The following TBCD variants were observed in gnomAD, a reference collection of about 807,000 sequenced individuals.
The protein encoded by TBCD is tubulin-specific chaperone D.
In TBCD, 105 loss-of-function variants were observed where a neutral mutation model predicts 169.3. That is an observed-to-expected ratio of 0.62 (90% CI 0.53 to 0.73). The LOEUF is 0.73. Among genes scored for constraint, TBCD ranks in the 30% least tolerant of loss-of-function variants. The pLI is 0.00. For missense variants in TBCD, 1,444 were observed against 1,600.1 expected, an observed-to-expected ratio of 0.90 and a Z score of 1.66; for synonymous variants, 700 against 643.9, an observed-to-expected ratio of 1.09 and a Z score of -1.32.
Position 82,929,479 on chromosome 17 carries a change from G to A in TBCD, c.2970G>A (p.Leu990=), listed in dbSNP as rs372553347. Residue 990 remains leucine, a synonymous_variant, in exon 32 of 39, where the codon CTG becomes CTA. Transcript: ENST00000355528. ...TCCTGCTGGGGCTAGTCGTGTCCCT[G>A]GGCGGCTTGACGGAGTCGACGGTGA... ...YHVLLGLVVS[L]GGLTESTIRH... The A allele has an allele frequency of 1.5e-5, 24 of 1,608,570 alleles. No homozygotes were observed. Among genetic ancestry groups the A allele is most frequent in the Non-Finnish European group, 1.9e-5 (23 of 1,179,868 alleles).
intron 13 of TBCD, among the ~76,000 whole-genome samples, chr17:82,817,291 T>C (rs2052001653): frequency 6.6e-6 from 1 of 151,994 alleles, no homozygotes; most frequent in Admixed American, 6.6e-5. Flanking sequence ...CCACCATGCC[T>C]GGCAACTTTT....
chr17:82,774,517 A>G (rs1018111256), intron 6 of TBCD, among the ~76,000 whole-genome samples: 1 of 152,102 alleles, frequency 6.6e-6, no homozygotes, highest in Non-Finnish European at 1.5e-5. Context: ...TTTCTATTCG[A>G]CAAAACCGCC....
rs1012277850 is a variant in TBCD at position 82,806,659 on chromosome 17, G to A, written c.1087+648G>A. Among the ~76,000 whole-genome samples, 11 of 152,058 alleles carry A rather than the reference G, an allele frequency of 7.2e-5. No individual in the cohort carries two copies. The highest frequency in any genetic ancestry group is 2.2e-4 in the African/African-American group (9 of 41,410). ...TCTCCCAGCTTCCTGATGGGCAGGCGGGGCCACGCTGCCTGTGCTGTGCTG... is the reference window on the plus strand; with the variant it reads ...TCTCCCAGCTTCCTGATGGGCAGGCAGGGCCACGCTGCCTGTGCTGTGCTG... On this transcript the variant is annotated intron_variant, in intron 10 of 38. Transcript: ENST00000355528. The surrounding 1 kb of genome is among the most constrained non-coding windows in gnomAD (Gnocchi z 5.1).
intron 16 of TBCD, among the ~76,000 whole-genome samples, chr17:82,891,170 C>T (rs1318979424): frequency 2.0e-5 from 3 of 152,252 alleles, no homozygotes; most frequent in Non-Finnish European, 2.9e-5. Context: ...AGCCACGGGG[C>T]CCTGCAGCTG....
chr17:82,834,761 A>G (rs988173575), intron 13 of TBCD, among the ~76,000 whole-genome samples: 2 of 152,118 alleles, frequency 1.3e-5, no homozygotes, highest in Admixed American at 6.5e-5. Flanking sequence ...ACAAATAGCT[A>G]ATGCATGCAG....
intron 24 of TBCD, 100 bp from the exon 25 acceptor site, chr17:82,921,401 T>G: frequency 1.0e-6 from 1 of 960,110 alleles, no homozygotes; most frequent in Non-Finnish European, 1.7e-6. Flanking sequence ...AAGGTTACCA[T>G]CGACTTTAAG....
intron 14 of TBCD, among the ~76,000 whole-genome samples, chr17:82,878,494 C>T: frequency 7.9e-6 from 1 of 126,022 alleles, no homozygotes; most frequent in Non-Finnish European, 1.7e-5. Flanking sequence ...TGTAGGACGC[C>T]CCTCTCTCTG....
intron 13 of TBCD, chr17:82,829,350 A>C (rs2053267150): frequency 6.5e-6 from 1 of 154,900 alleles, no homozygotes; most frequent in Non-Finnish European, 1.5e-5. Flanking sequence ...CACACAATTG[A>C]ATGTGCATAC....
At chr17:82,796,620 T>C (rs1255737660) in intron 7 of TBCD, among the ~76,000 whole-genome samples, 1 of 152,190 alleles carries the variant, frequency 6.6e-6, no homozygotes, top group African/African-American at 2.4e-5. Context: ...TGGTGGTCTG[T>C]CTGGCTGTCT....
At chr17:82,928,470 TTCTGTCGGTCTC>T (rs1392218257) in intron 30 of TBCD, among the ~76,000 whole-genome samples, 1 of 151,840 alleles carries the variant, frequency 6.6e-6, no homozygotes, top group Non-Finnish European at 1.5e-5. Flanking sequence ...GCCCTGCCCT[TTCTGTCGGTCTC>T]TCTGTCGGGG....
chr17:82,824,017 G>A (rs1306559485), intron 13 of TBCD, among the ~76,000 whole-genome samples: 1 of 151,386 alleles, frequency 6.6e-6, no homozygotes, highest in East Asian at 1.9e-4. Context: ...TGTACAAGTG[G>A]AATTGGACAA....
intron 7 of TBCD, among the ~76,000 whole-genome samples, chr17:82,786,914 G>A (rs970433442): frequency 8.9e-6 from 1 of 112,972 alleles, no homozygotes; most frequent in Non-Finnish European, 1.7e-5. Context: ...GACACGTGTT[G>A]CACAGCCTGC....
rs754714251 is a variant in TBCD at position 82,929,182 on chromosome 17, C to T, written c.2763C>T (p.Ala921=). 44 of 1,613,702 alleles carry T rather than the reference C, an allele frequency of 2.7e-5. No homozygotes were observed. The highest frequency in any genetic ancestry group is 8.9e-5 in the East Asian group (4 of 44,886). ...SEKIDRFRAH[A]ASVFLTLLHF... ...AGATTGACCGTTTCCGTGCTCACGCCGCCAGCGTGTTCCTGACGCTCCTGC... is the reference window on the plus strand; with the variant it reads ...AGATTGACCGTTTCCGTGCTCACGCTGCCAGCGTGTTCCTGACGCTCCTGC... The change falls in exon 31 of 39, where the codon GCC becomes GCT. Residue 921 remains alanine, a synonymous_variant. Transcript: ENST00000355528.
intron 33 of TBCD, among the ~76,000 whole-genome samples, chr17:82,932,359 A>G (rs2147370092): frequency 6.6e-6 from 1 of 152,340 alleles, no homozygotes; most frequent in African/African-American, 2.4e-5. Flanking sequence ...CAGCTTTGTA[A>G]GAAACTGTGG....
At chr17:82,893,659 A>G in intron 17 of TBCD, 27 bp downstream of exon 17, 1 of 1,499,118 alleles carries the variant, frequency 6.7e-7, no homozygotes, top group Non-Finnish European at 9.1e-7. Flanking sequence ...TATCACAAAA[A>G]TAGAATACTC....
At chr17:82,929,091 A>G (rs1240193973) in intron 30 of TBCD, 22 bp from the exon 31 acceptor site, 24 of 1,597,290 alleles carry the variant, frequency 1.5e-5, no homozygotes, top group Non-Finnish European at 2.0e-5. Flanking sequence ...CCCTTGGTTT[A>G]CCTCCTGCTC....
In TBCD at chr17:82,930,207, A is replaced by G. The variant is rs1250638534; in HGVS notation, c.2992-315A>G. 1 of 382,624 alleles carries G rather than the reference A, an allele frequency of 2.6e-6. No individual in the cohort carries two copies. The highest frequency in any genetic ancestry group is 2.1e-5 in the African/African-American group (1 of 47,876). The allele number at this position is 382,624 out of a possible 1,614,324, so 23.7% of individuals were successfully genotyped here. A position where few individuals can be genotyped will look rare whatever the true frequency, so the allele number is the denominator to read the frequency against. ...CACTCGGGAATTGCGGGGATTATCA[A>G]ATCCCGCTTCAGTGGGAAACGTGAG... On this transcript the variant is annotated intron_variant, in intron 32 of 38. Coordinates refer to ENST00000355528, the MANE Select transcript of TBCD (RefSeq NM_005993.5). The surrounding 1 kb of genome is among the most constrained non-coding windows in gnomAD (Gnocchi z 5.2).
At chr17:82,939,156 G>A in intron 36 of TBCD, 1 of 600,160 alleles carries the variant, frequency 1.7e-6, no homozygotes, top group East Asian at 2.8e-5. Flanking sequence ...CCTGCAGCTA[G>A]CTGTGTGTCT....
intron 13 of TBCD, among the ~76,000 whole-genome samples, chr17:82,848,728 G>A (rs183192235): frequency 9.9e-5 from 15 of 152,256 alleles, no homozygotes; most frequent in African/African-American, 3.6e-4. Flanking sequence ...AAATAGATGC[G>A]AACAGACAAA....
Sources: gnomAD v4.1 joint callset for allele counts (sites outside exome capture counted in the v4.1 genomes callset) on GRCh38, gnomAD v4.1.1 for gene constraint, Gnocchi (gnomAD v3.1) non-coding constraint, MANE v1.5 for transcripts, NCBI Gene and HGNC (gene_info 2026-07-23, HGNC 2026-07-21) for gene names.